Variants in MARK1 observed in about 807,000 individuals in gnomAD.
The protein encoded by MARK1 is serine/threonine-protein kinase MARK1.
Under a neutral mutation model 96.3 loss-of-function variants are expected in MARK1, and 40 were observed. The observed-to-expected ratio is 0.42, with a 90% CI of 0.32 to 0.54. The LOEUF is 0.54. Among genes scored for constraint, MARK1 ranks in the 20% least tolerant of loss-of-function variants. The pLI, the probability that MARK1 is intolerant of heterozygous loss-of-function variation, is 0.16. For synonymous variants in MARK1, 317 were observed against 341.2 expected (o/e 0.93, Z 0.78); for missense variants, 719 against 984.6 (o/e 0.73, Z 3.61).
intron 6 of MARK1, among the ~76,000 whole-genome samples, chr1:220,607,491 A>T (rs1336854320): frequency 4.6e-5 from 7 of 151,864 alleles, no homozygotes; most frequent in African/African-American, 1.7e-4. Flanking sequence ...TGACTTCCTC[A>T]TTTCCTAATT....
chr1:220,569,575 T>C (rs983665542), intron 1 of MARK1, among the ~76,000 whole-genome samples: 3 of 152,112 alleles, frequency 2.0e-5, no homozygotes, highest in African/African-American at 7.2e-5. Flanking sequence ...TGAATTTATT[T>C]TGGAGTAAAG....
Position 220,618,975 on chromosome 1 carries a change from G to A in MARK1, c.909+220G>A, listed in dbSNP as rs1666910025. On this transcript the variant is annotated intron_variant, in intron 9 of 17. Coordinates refer to ENST00000366917, the MANE Select transcript of MARK1 (RefSeq NM_018650.5). This position sits in a 1 kb window ranked among gnomAD's most constrained non-coding sequence, Gnocchi z 4.6. The stretch of plus-strand genomic sequence containing the variant: ...TATTTCCTCTTTGTTCTGCAGTGCC[G>A]TATTAAATAAAAACAACACAAAAAT... Among the ~76,000 whole-genome samples the A allele has an allele frequency of 6.6e-6, 1 of 152,034 alleles. No individual in the cohort carries two copies. Among genetic ancestry groups the A allele is most frequent in the Non-Finnish European group, 1.5e-5 (1 of 68,004 alleles).
intron 3 of MARK1, among the ~76,000 whole-genome samples, chr1:220,597,500 C>A (rs1665453524): frequency 6.6e-6 from 1 of 152,136 alleles, no homozygotes; most frequent in South Asian, 2.1e-4. Flanking sequence ...TGTTCAACAT[C>A]TTTTTGTGTT....
intron 3 of MARK1, among the ~76,000 whole-genome samples, chr1:220,585,725 A>G (rs539542938): frequency 6.8e-4 from 103 of 152,300 alleles, no homozygotes; most frequent in Non-Finnish European, 1.1e-3. Flanking sequence ...AGCCATACAT[A>G]ATCTTCGGGG....
rs1664213008 is a variant in MARK1, at chr1:220,581,093, A to C, written c.284A>C (p.Gln95Pro). The change falls in exon 3 of 18, where the codon CAG (glutamine) becomes CCG (proline). Residue 95 changes from glutamine (Q) to proline (P), a missense_variant. Transcript: ENST00000366917. ...GCTGTGAAAATAATAGACAAAACTC[A>C]GCTAAATCCTACCAGTCTACAAAAG... Reference protein sequence around the residue: ...EVAVKIIDKTQLNPTSLQKLF... With the variant: ...EVAVKIIDKTPLNPTSLQKLF... 1 of 1,290,756 alleles carries C rather than the reference A, an allele frequency of 7.7e-7. No homozygotes were observed. Among genetic ancestry groups the C allele is most frequent in the African/African-American group, 1.5e-5 (1 of 66,460 alleles). 80.0% of individuals were successfully genotyped at this position (1,290,756 alleles called of 1,614,324 possible).
intron 13 of MARK1, among the ~76,000 whole-genome samples, chr1:220,642,655 A>G (rs1668346705): frequency 6.6e-6 from 1 of 152,198 alleles, no homozygotes; most frequent in Non-Finnish European, 1.5e-5. Flanking sequence ...CGTCCGTGAT[A>G]CTGTGCTTTT....
At chr1:220,637,244 A>C (rs374737106) in intron 13 of MARK1, among the ~76,000 whole-genome samples, 64 of 152,362 alleles carry the variant, frequency 4.2e-4, no homozygotes, top group African/African-American at 1.5e-3. Context: ...TAGTAACATA[A>C]GCAAAAAGAG....
chr1:220,638,831 A>G (rs1668118219), intron 13 of MARK1, among the ~76,000 whole-genome samples: 1 of 152,128 alleles, frequency 6.6e-6, no homozygotes. Context: ...GCACTATAGG[A>G]GTTTCTAAAG....
At chr1:220,600,885 T>C (rs775250815) in intron 5 of MARK1, among the ~76,000 whole-genome samples, 4 of 102,884 alleles carry the variant, frequency 3.9e-5, no homozygotes, top group Non-Finnish European at 4.8e-5. Flanking sequence ...GTATTTCTTT[T>C]CTTTTTCTTT....
intron 1 of MARK1, among the ~76,000 whole-genome samples, chr1:220,568,017 A>G (rs1663182840): frequency 6.6e-6 from 1 of 152,148 alleles, no homozygotes; most frequent in Admixed American, 6.6e-5. Flanking sequence ...CTCATGGTAT[A>G]AAAAGTCTTT....
rs574467664 is a variant in MARK1, at chr1:220,575,083, C to T, written c.52-4271C>T. 1.6e-4 allele frequency among the ~76,000 whole-genome samples: 24 copies of T among 152,232 alleles called. No homozygotes were observed. The East Asian group carries it at 3.5e-3, about 22-fold the overall frequency. On this transcript the variant is annotated intron_variant, in intron 1 of 17. Transcript: ENST00000366917. ...ACTTCATTTCAGTCAGTATTAAAGG[C>T]GGGGAAAATTCTCTTATTACTCAGG...
At chr1:220,647,054 G>C (rs1403638088) in intron 13 of MARK1, among the ~76,000 whole-genome samples, 1 of 152,178 alleles carries the variant, frequency 6.6e-6, no homozygotes, top group East Asian at 1.9e-4. Flanking sequence ...ATTGACAAAT[G>C]GGATCTAATT....
chr1:220,627,042 G>A, intron 9 of MARK1: 1 of 542,346 alleles, frequency 1.8e-6, no homozygotes, highest in Non-Finnish European at 3.8e-6. Flanking sequence ...CTCCACATCA[G>A]TCCTTCCAGT....
intron 1 of MARK1, among the ~76,000 whole-genome samples, chr1:220,563,042 A>T (rs565740110): frequency 6.6e-6 from 1 of 152,272 alleles, no homozygotes; most frequent in South Asian, 2.1e-4. Flanking sequence ...CTGAACTAAG[A>T]CACAGTCTCT....
chr1:220,571,344 TGTAA>T (rs1663438487), intron 1 of MARK1, among the ~76,000 whole-genome samples: 2 of 152,174 alleles, frequency 1.3e-5, no homozygotes, highest in African/African-American at 4.8e-5. Context: ...ATTGTAAGGT[TGTAA>T]GTATTATGTA....
chr1:220,641,952 G>A (rs1668295561), intron 13 of MARK1, among the ~76,000 whole-genome samples: 1 of 152,204 alleles, frequency 6.6e-6, no homozygotes, highest in Non-Finnish European at 1.5e-5. Flanking sequence ...CACCACCAGA[G>A]CCCTGGGTCC....
chr1:220,584,454 T>C (rs1382071257), intron 3 of MARK1, among the ~76,000 whole-genome samples: 2 of 152,212 alleles, frequency 1.3e-5, no homozygotes, highest in East Asian at 3.8e-4. Context: ...ACATTTAAAT[T>C]ATTGAATTCT....
intron 1 of MARK1, among the ~76,000 whole-genome samples, chr1:220,534,162 A>G (rs1319147778): frequency 2.0e-5 from 3 of 151,688 alleles, no homozygotes; most frequent in Non-Finnish European, 4.4e-5. Context: ...CTTATTTTTT[A>G]TTTAATTTTA....
intron 1 of MARK1, among the ~76,000 whole-genome samples, chr1:220,548,718 T>G (rs1162448076): frequency 6.6e-6 from 1 of 151,970 alleles, no homozygotes; most frequent in Non-Finnish European, 1.5e-5. Flanking sequence ...ATTGTGCCAC[T>G]GCACTCCAGC....
Sources: allele counts gnomAD v4.1 joint callset (sites outside exome capture counted in the v4.1 genomes callset), GRCh38; gene constraint gnomAD v4.1.1; non-coding constraint Gnocchi (gnomAD v3.1); transcripts MANE v1.5; gene names NCBI Gene and HGNC (gene_info 2026-07-23, HGNC 2026-07-21).